Variants in MACROD2 observed in about 807,000 individuals in gnomAD.
MACROD2 encodes the protein ADP-ribose glycohydrolase MACROD2.
Under a neutral mutation model 70.4 loss-of-function variants are expected in MACROD2, and 36 were observed. The ratio of observed to expected loss-of-function variants is 0.51; its 90% confidence interval spans 0.39 to 0.68. The LOEUF is 0.68. MACROD2 is among the 30% of genes least tolerant of loss of function. The pLI is 0.00. For synonymous variants in MACROD2, 172 were observed against 178.8 expected (o/e 0.96, Z 0.30); for missense variants, 496 against 538.4 (o/e 0.92, Z 0.78).
chr20:15,340,128 T>C (rs1412893771), intron 6 of MACROD2, among the ~76,000 whole-genome samples: 1 of 84,316 alleles, frequency 1.2e-5, no homozygotes, highest in African/African-American at 6.1e-5. Flanking sequence ...CTTTCTTTCT[T>C]TCTTTTTTTT....
intron 8 of MACROD2, among the ~76,000 whole-genome samples, chr20:15,566,611 C>G (rs1313311733): frequency 6.6e-6 from 1 of 152,156 alleles, no homozygotes; most frequent in Non-Finnish European, 1.5e-5. Context: ...TCCCTTCTAA[C>G]TCCATTCTAC....
intron 10 of MACROD2, among the ~76,000 whole-genome samples, chr20:15,909,578 C>T (rs2147263014): frequency 8.0e-6 from 1 of 124,552 alleles, no homozygotes; most frequent in South Asian, 2.6e-4. Context: ...GGCTGGAGTG[C>T]AGTGGCGGGA....
intron 15 of MACROD2, among the ~76,000 whole-genome samples, chr20:16,029,019 G>A (rs552715932): frequency 2.1e-4 from 32 of 152,304 alleles, no homozygotes; most frequent in Admixed American, 2.0e-3. Flanking sequence ...GTCCAAGATC[G>A]AGGTGCTGCT....
chr20:14,520,950 C>T (rs998493936), intron 4 of MACROD2, among the ~76,000 whole-genome samples: 21 of 100,594 alleles, frequency 2.1e-4, no homozygotes, highest in African/African-American at 7.1e-4. Context: ...TGCACGCGTG[C>T]GTGCGCGCAC....
At chr20:14,305,448 G>C (rs181937886) in intron 3 of MACROD2, among the ~76,000 whole-genome samples, 29 of 152,190 alleles carry the variant, frequency 1.9e-4, no homozygotes, top group Admixed American at 1.1e-3. Flanking sequence ...GAGTGGAAGA[G>C]ACTGACTTGG....
At chr20:15,126,842 A>T (rs1427542055) in intron 5 of MACROD2, among the ~76,000 whole-genome samples, 1 of 152,148 alleles carries the variant, frequency 6.6e-6, no homozygotes, top group Non-Finnish European at 1.5e-5. Context: ...GGATAATTTA[A>T]AAAAAATCTA....
chr20:15,870,768 C>CAG (rs1218520064), intron 9 of MACROD2, among the ~76,000 whole-genome samples: 2 of 152,252 alleles, frequency 1.3e-5, no homozygotes, highest in East Asian at 3.9e-4. Context: ...CAGATTAAGA[C>CAG]AGAGAGAATA....
intron 2 of MACROD2, among the ~76,000 whole-genome samples, chr20:14,057,335 AAACAGT>A (rs2053642093): frequency 6.6e-6 from 1 of 152,192 alleles, no homozygotes; most frequent in South Asian, 2.1e-4. Context: ...GAGAAAAACA[AAACAGT>A]AACAGCAGAT....
At chr20:14,276,502 A>T (rs1231273481) in intron 3 of MACROD2, among the ~76,000 whole-genome samples, 2 of 144,002 alleles carry the variant, frequency 1.4e-5, no homozygotes, top group Admixed American at 1.4e-4. Flanking sequence ...GGGGAGGGAT[A>T]GCATTAGGAG....
At chr20:15,880,123 A>G (rs2064733814) in intron 9 of MACROD2, among the ~76,000 whole-genome samples, 1 of 152,042 alleles carries the variant, frequency 6.6e-6, no homozygotes, top group Non-Finnish European at 1.5e-5. Context: ...AAACACTCAC[A>G]GACACACCCA....
At chr20:15,559,157 G>A (rs2048207669) in intron 8 of MACROD2, among the ~76,000 whole-genome samples, 1 of 149,434 alleles carries the variant, frequency 6.7e-6, no homozygotes, top group South Asian at 2.1e-4. Context: ...AACCCGGGAG[G>A]TGGAGCTTGC....
chr20:14,418,892 GTTTC>G (rs765495470), intron 3 of MACROD2, among the ~76,000 whole-genome samples: 55 of 151,944 alleles, frequency 3.6e-4, no homozygotes, highest in African/African-American at 1.3e-3. Context: ...CTCTTGTTTT[GTTTC>G]TTTGTCTCCA....
intron 5 of MACROD2, among the ~76,000 whole-genome samples, chr20:14,820,620 G>C (rs1157820818): frequency 6.6e-6 from 1 of 151,858 alleles, no homozygotes; most frequent in Admixed American, 6.6e-5. Context: ...CAGGTATAGT[G>C]GGTTTTGGTG....
chr20:14,499,184 G>A (rs961380450), intron 4 of MACROD2, among the ~76,000 whole-genome samples: 2 of 152,190 alleles, frequency 1.3e-5, no homozygotes, highest in Admixed American at 6.5e-5. Context: ...CAGGCAGGGA[G>A]CAGAGATGCA....
Position 14,503,816 on chromosome 20 carries a change from G to T in MACROD2, c.301+10308G>T, listed in dbSNP as rs188687189. Among the ~76,000 whole-genome samples, 189 of 152,318 alleles carry T rather than the reference G, an allele frequency of 1.2e-3. 1 individual carries two copies. The highest frequency in any genetic ancestry group is 4.3e-3 in the African/African-American group (180 of 41,582). On this transcript the variant is annotated intron_variant, in intron 4 of 17. Coordinates refer to ENST00000684519, the MANE Select transcript of MACROD2 (RefSeq NM_001351661.2). Reference sequence around the variant, plus strand: ...TGTCCATGCCTGCAGGGTCAGCTTTGCAGAACAGACCAAAAAGACTTTTAC... The same window carrying T: ...TGTCCATGCCTGCAGGGTCAGCTTTTCAGAACAGACCAAAAAGACTTTTAC...
intron 4 of MACROD2, among the ~76,000 whole-genome samples, chr20:14,615,520 T>A (rs1028327387): frequency 4.6e-5 from 7 of 151,978 alleles, no homozygotes; most frequent in African/African-American, 1.5e-4. Context: ...ATGGGTGAGA[T>A]TTCAAGAGGC....
intron 6 of MACROD2, among the ~76,000 whole-genome samples, chr20:15,247,287 C>G (rs1601295580): frequency 2.0e-5 from 3 of 152,190 alleles, no homozygotes; most frequent in Admixed American, 2.0e-4. Flanking sequence ...TCTATAGGCT[C>G]TAAATCATAT....
chr20:15,173,339 T>C lies in MACROD2; in HGVS notation c.419-56601T>C, dbSNP rs186029290. ...ACTGTATGTTTGCTAAACAGACCTATGTAGTTAAAGAGAAGCTGTCCAAAA... is the reference window on the plus strand; with the variant it reads ...ACTGTATGTTTGCTAAACAGACCTACGTAGTTAAAGAGAAGCTGTCCAAAA... On this transcript the variant is annotated intron_variant, in intron 5 of 17. Coordinates refer to ENST00000684519, the MANE Select transcript of MACROD2 (RefSeq NM_001351661.2). Among the ~76,000 whole-genome samples, 62 of 152,330 alleles carry C rather than the reference T, an allele frequency of 4.1e-4. 1 individual carries two copies. Among genetic ancestry groups the C allele is most frequent in the Middle Eastern group, 3.4e-3 (1 of 294 alleles).
intron 5 of MACROD2, among the ~76,000 whole-genome samples, chr20:14,951,878 A>T (rs182440716): frequency 6.6e-5 from 10 of 150,700 alleles, no homozygotes; most frequent in Non-Finnish European, 1.2e-4. Flanking sequence ...ATGACAGAGG[A>T]TAAAGTGTCC....
Sources: gnomAD v4.1 joint callset for allele counts (sites outside exome capture counted in the v4.1 genomes callset) on GRCh38, gnomAD v4.1.1 for gene constraint, MANE v1.5 for transcripts, NCBI Gene and HGNC (gene_info 2026-07-23, HGNC 2026-07-21) for gene names.